The following TAF4 variants were observed in gnomAD, a reference collection of about 807,000 sequenced individuals.
The protein encoded by TAF4 is TATA-box binding protein associated factor 4.
A neutral mutation model predicts 90.3 loss-of-function variants in TAF4; 9 were observed. That is an observed-to-expected ratio of 0.10 (90% CI 0.06 to 0.17). The LOEUF is 0.17. Among genes scored for constraint, TAF4 ranks in the 10% least tolerant of loss-of-function variants. The pLI, the probability that TAF4 is intolerant of heterozygous loss-of-function variation, is 1.00. For synonymous variants in TAF4, 818 were observed against 638.9 expected, an observed-to-expected ratio of 1.28 and a Z score of -4.23; for missense variants, 1,351 against 1,370.7, an observed-to-expected ratio of 0.99 and a Z score of 0.23.
chr20:62,034,882 G>C (rs537987883), intron 1 of TAF4, among the ~76,000 whole-genome samples: 1 of 150,470 alleles, frequency 6.6e-6, no homozygotes, highest in Non-Finnish European at 1.5e-5. Context: ...GTACAGTGGC[G>C]CAATCTCGGC....
chr20:62,014,441 C>T (rs1162164248), intron 2 of TAF4, 106 bp downstream of exon 2: 1 of 1,388,506 alleles, frequency 7.2e-7, no homozygotes. Flanking sequence ...ACTTCCCAGT[C>T]CTCACTCCCA....
intron 2 of TAF4, among the ~76,000 whole-genome samples, 176 bp from the exon 3 acceptor site, chr20:62,013,110 G>A (rs1418368852): frequency 6.6e-6 from 1 of 152,246 alleles, no homozygotes; most frequent in African/African-American, 2.4e-5. Context: ...AAGAACAAGT[G>A]TATGACAAAC....
Position 61,990,701 on chromosome 20 carries a change from G to A in TAF4, c.3090+6849C>T, listed in dbSNP as rs149271055. Among the ~76,000 whole-genome samples, 83 of 152,344 alleles carry A rather than the reference G, an allele frequency of 5.4e-4. 1 individual carries two copies. The highest frequency in any genetic ancestry group is 6.8e-3 in the Middle Eastern group (2 of 294). On this transcript the variant is annotated intron_variant, in intron 14 of 14. Coordinates refer to ENST00000252996, the MANE Select transcript of TAF4 (RefSeq NM_003185.4). ...GGGCTCCTGCAGCACAGGGCCTCAC[G>A]CAGGAGAGAACCTGCTGGGAGTGAA... is the stretch of plus-strand genomic sequence containing the variant.
intron 1 of TAF4, among the ~76,000 whole-genome samples, chr20:62,038,260 C>G (rs1309461706): frequency 1.3e-5 from 2 of 151,762 alleles, no homozygotes; most frequent in Admixed American, 6.6e-5. Context: ...ATCTCCTGAC[C>G]TCGTGATCCA....
chr20:62,059,511 C>T (rs1163329274), intron 1 of TAF4, among the ~76,000 whole-genome samples: 2 of 152,214 alleles, frequency 1.3e-5, no homozygotes, highest in East Asian at 3.9e-4. Flanking sequence ...CAGCTGACAC[C>T]ACAATGCCAT....
intron 5 of TAF4, among the ~76,000 whole-genome samples, chr20:62,008,600 G>T (rs964970961): frequency 6.6e-6 from 1 of 152,078 alleles, no homozygotes. Flanking sequence ...GCCTCAGCTG[G>T]TCTGCTCCAT....
intron 1 of TAF4, among the ~76,000 whole-genome samples, chr20:62,020,918 C>G (rs2055839305): frequency 6.6e-6 from 1 of 152,226 alleles, no homozygotes; most frequent in South Asian, 2.1e-4. Flanking sequence ...GAAAGGACAG[C>G]AGTTGCTGGA....
chr20:62,060,780 C>T (rs944702283), intron 1 of TAF4, among the ~76,000 whole-genome samples: 1 of 152,246 alleles, frequency 6.6e-6, no homozygotes, highest in Non-Finnish European at 1.5e-5. Context: ...CCTATGTTGG[C>T]AACCACCGCC....
intron 7 of TAF4, chr20:62,005,098 C>G (rs530359330): frequency 1.3e-5 from 2 of 152,348 alleles, no homozygotes; most frequent in African/African-American, 2.4e-5. Flanking sequence ...ATGTCTCCAA[C>G]GAAACAGGAA....
rs564928263 is a variant in TAF4 at position 62,009,317 on chromosome 20, G to C, written c.1762-143C>G. On this transcript the variant is annotated intron_variant, in intron 4 of 14. Coordinates refer to ENST00000252996, the MANE Select transcript of TAF4 (RefSeq NM_003185.4). ...CTTTCAAGAAAACGCACCACCTCTT[G>C]GAACCCTGGGCCATGGGGCAGGCCA... The C allele has an allele frequency of 8.6e-5, 77 of 896,764 alleles. No homozygotes were observed. The South Asian group carries it at 1.3e-3, about 16-fold the overall frequency. 55.6% of individuals were successfully genotyped at this position (896,764 alleles called of 1,614,324 possible). A position where few individuals can be genotyped will look rare whatever the true frequency, so the allele number is the denominator to read the frequency against.
intron 1 of TAF4, among the ~76,000 whole-genome samples, chr20:62,024,043 A>G (rs1384152034): frequency 1.3e-5 from 2 of 152,044 alleles, no homozygotes; most frequent in African/African-American, 4.8e-5. Context: ...ACCCCACTAC[A>G]CTCCAACCTG....
rs1325315786 is a variant in TAF4, at chr20:62,065,559, T to G, written c.252A>C (p.Gly84=). Reference sequence around the variant, plus strand: ...CTGCGGGGGGCGGCTCCGGCGCCGCTCCGGGCGCGCCCTCGGCGGGGGCGG... The same window carrying G: ...CTGCGGGGGGCGGCTCCGGCGCCGCGCCGGGCGCGCCCTCGGCGGGGGCGG... The part of the protein sequence containing the change: ...GPAAPAEGAP[G]AAPEPPPAGR... Residue 84 remains glycine, a synonymous_variant, in exon 1 of 15, where the codon GGA becomes GGC. Transcript: ENST00000252996. The G allele has an allele frequency of 1.0e-6, 1 of 972,814 alleles. No homozygotes were observed. The highest frequency in any genetic ancestry group is 1.9e-5 in the African/African-American group (1 of 54,034). The allele number at this position is 972,814 out of a possible 1,614,324, so 60.3% of individuals were successfully genotyped here.
At chr20:61,982,080 G>C (rs761415805) in intron 14 of TAF4, among the ~76,000 whole-genome samples, 5 of 97,076 alleles carry the variant, frequency 5.2e-5, no homozygotes, top group South Asian at 4.1e-4. Context: ...CCACCCGAGA[G>C]GAGACACCAA....
intron 1 of TAF4, among the ~76,000 whole-genome samples, chr20:62,024,000 C>G (rs756686379): frequency 3.3e-5 from 5 of 151,800 alleles, no homozygotes; most frequent in Admixed American, 6.6e-5. Context: ...ACTGCTTGAG[C>G]CCGGGACACA....
intron 13 of TAF4, 45 bp downstream of exon 13, chr20:61,998,091 T>G (rs754812785): frequency 6.2e-7 from 1 of 1,602,218 alleles, no homozygotes; most frequent in Non-Finnish European, 8.5e-7. Flanking sequence ...GGCGCTACAG[T>G]GCACAGCAAA....
chr20:62,024,731 G>A (rs1490950897), intron 1 of TAF4, among the ~76,000 whole-genome samples: 2 of 152,116 alleles, frequency 1.3e-5, no homozygotes, highest in Non-Finnish European at 2.9e-5. Context: ...TTAGCAGGGC[G>A]TGGTGGTGCA....
chr20:62,018,323 A>C (rs2055824127), intron 1 of TAF4, among the ~76,000 whole-genome samples: 1 of 152,236 alleles, frequency 6.6e-6, no homozygotes, highest in African/African-American at 2.4e-5. Context: ...GGCTGCATCC[A>C]CGCCATGTTT....
At chr20:61,987,566 A>C (rs919982632) in intron 14 of TAF4, among the ~76,000 whole-genome samples, 7 of 152,322 alleles carry the variant, frequency 4.6e-5, no homozygotes, top group Admixed American at 4.6e-4. Context: ...CAGAACACGG[A>C]CAGCACCGAA....
intron 1 of TAF4, among the ~76,000 whole-genome samples, chr20:62,036,624 C>T (rs1227920721): frequency 2.0e-5 from 3 of 152,222 alleles, no homozygotes; most frequent in Non-Finnish European, 4.4e-5. Flanking sequence ...ATGCTAGGAA[C>T]TCGCCAGGGT....
Sources: gnomAD v4.1 joint callset for allele counts (sites outside exome capture counted in the v4.1 genomes callset) on GRCh38, gnomAD v4.1.1 for gene constraint, MANE v1.5 for transcripts, NCBI Gene and HGNC (gene_info 2026-07-23, HGNC 2026-07-21) for gene names.